SPOCK3: variants seen among roughly 807,000 people sequenced by gnomAD.
The protein encoded by SPOCK3 is SPARC (osteonectin), cwcv and kazal like domains proteoglycan 3.
SPOCK3 carries 30 observed loss-of-function variants against 56.6 expected under a neutral mutation model. The observed-to-expected ratio is 0.53, with a 90% CI of 0.40 to 0.72. The LOEUF is 0.72. SPOCK3 is among the 30% of genes least tolerant of loss of function. The pLI is 0.00. For missense variants in SPOCK3, 527 were observed against 530.0 expected, an observed-to-expected ratio of 0.99 and a Z score of 0.06; for synonymous variants, 196 against 183.3, an observed-to-expected ratio of 1.07 and a Z score of -0.56.
chr4:167,101,310 T>C (rs1759621618), intron 2 of SPOCK3, among the ~76,000 whole-genome samples: 1 of 152,108 alleles, frequency 6.6e-6, no homozygotes, highest in South Asian at 2.1e-4. Context: ...TCACTAACTT[T>C]CTCCCTAATT....
At chr4:166,894,778 G>A (rs1735192334) in intron 5 of SPOCK3, among the ~76,000 whole-genome samples, 1 of 152,132 alleles carries the variant, frequency 6.6e-6, no homozygotes, top group Admixed American at 6.6e-5. Flanking sequence ...TCTCTCAGAT[G>A]TACTATATCC....
chr4:167,032,982 G>A (rs1179984518), intron 3 of SPOCK3, among the ~76,000 whole-genome samples: 1 of 151,822 alleles, frequency 6.6e-6, no homozygotes, highest in Non-Finnish European at 1.5e-5. Flanking sequence ...CTTCAATTAC[G>A]ACTAATGGCT....
intron 6 of SPOCK3, among the ~76,000 whole-genome samples, chr4:166,834,614 A>C (rs926605623): frequency 1.3e-5 from 2 of 152,196 alleles, no homozygotes; most frequent in East Asian, 1.9e-4. Context: ...TCTTTTATTC[A>C]AGTGTGTTTC....
At chr4:167,098,416 A>T (rs1029261342) in intron 2 of SPOCK3, among the ~76,000 whole-genome samples, 1 of 151,868 alleles carries the variant, frequency 6.6e-6, no homozygotes. Context: ...GAACTTTGTG[A>T]CTCAGTGGCT....
intron 6 of SPOCK3, among the ~76,000 whole-genome samples, chr4:166,804,785 C>T (rs1416233368): frequency 3.9e-5 from 6 of 152,066 alleles, no homozygotes; most frequent in Non-Finnish European, 7.4e-5. Context: ...AGAAACAATG[C>T]CTTTGTCTCT....
intron 3 of SPOCK3, among the ~76,000 whole-genome samples, chr4:167,053,590 C>G (rs568654319): frequency 6.6e-6 from 1 of 151,972 alleles, no homozygotes; most frequent in Non-Finnish European, 1.5e-5. Flanking sequence ...GAGGCTGAGG[C>G]AGGAGAATTG....
intron 8 of SPOCK3, among the ~76,000 whole-genome samples, chr4:166,745,632 A>G (rs1021373966): frequency 5.9e-5 from 9 of 152,322 alleles, no homozygotes; most frequent in African/African-American, 2.2e-4. Flanking sequence ...AAATTCACAC[A>G]TAACAATATT....
chr4:167,186,770 A>T (rs1732006942), intron 2 of SPOCK3, among the ~76,000 whole-genome samples: 1 of 152,020 alleles, frequency 6.6e-6, no homozygotes, highest in Non-Finnish European at 1.5e-5. Flanking sequence ...TGAGGTCAGG[A>T]GTTCAAGACC....
intron 2 of SPOCK3, among the ~76,000 whole-genome samples, chr4:167,213,666 T>C (rs1252515993): frequency 6.6e-6 from 1 of 151,802 alleles, no homozygotes; most frequent in Non-Finnish European, 1.5e-5. Context: ...TTTTCCTCCA[T>C]GATCAATTTC....
rs141055338 is a variant in SPOCK3 at position 166,931,812 on chromosome 4, C to A, written c.351-19069G>T. ...TTTACATTTCTTTAGAGAGAAGGAGCGGCCAGTATCAGGATCTCAATAGGC... is the reference window on the plus strand; with the variant it reads ...TTTACATTTCTTTAGAGAGAAGGAGAGGCCAGTATCAGGATCTCAATAGGC... On this transcript the variant is annotated intron_variant, in intron 4 of 10. Coordinates refer to ENST00000357545, the MANE Select transcript of SPOCK3 (RefSeq NM_001040159.2). 2.9e-3 allele frequency among the ~76,000 whole-genome samples: 435 copies of A among 152,226 alleles called. 5 individuals carry two copies. The highest frequency in any genetic ancestry group is 8.8e-3 in the African/African-American group (367 of 41,542).
chr4:166,742,510 T>C (rs1734988552), intron 8 of SPOCK3, among the ~76,000 whole-genome samples: 1 of 152,152 alleles, frequency 6.6e-6, no homozygotes, highest in Non-Finnish European at 1.5e-5. Flanking sequence ...TTTCCCCTCA[T>C]TTAAAAGTTT....
At chr4:167,032,004 G>T (rs1752324101) in intron 3 of SPOCK3, among the ~76,000 whole-genome samples, 1 of 151,884 alleles carries the variant, frequency 6.6e-6, no homozygotes, top group Non-Finnish European at 1.5e-5. Flanking sequence ...TATTTTGCTT[G>T]CATTAAAAGA....
At chr4:166,833,017 A>G (rs1250082679) in intron 6 of SPOCK3, among the ~76,000 whole-genome samples, 1 of 152,170 alleles carries the variant, frequency 6.6e-6, no homozygotes, top group African/African-American at 2.4e-5. Flanking sequence ...CAATATACTC[A>G]TGTAATAAAC....
At chr4:166,766,614 A>C (rs1332943808) in intron 7 of SPOCK3, among the ~76,000 whole-genome samples, 2 of 152,190 alleles carry the variant, frequency 1.3e-5, no homozygotes, top group African/African-American at 4.8e-5. Flanking sequence ...GGATTTTTGC[A>C]TCAATGTTCA....
chr4:167,024,567 A>G (rs13125499), intron 3 of SPOCK3, among the ~76,000 whole-genome samples: 4,188 of 152,198 alleles, frequency 0.028, 87 homozygotes, highest in Middle Eastern at 0.061. Flanking sequence ...TAAACAAACT[A>G]TATCAACTAA....
chr4:166,754,139 A>G (rs1736763895), intron 8 of SPOCK3: 9 of 997,358 alleles, frequency 9.0e-6, no homozygotes, highest in Non-Finnish European at 1.1e-5. Context: ...ACTCCACCGT[A>G]TAGTGATAAA....
chr4:166,784,242 G>C (rs1306936769), intron 7 of SPOCK3, among the ~76,000 whole-genome samples: 2 of 152,224 alleles, frequency 1.3e-5, no homozygotes, highest in African/African-American at 2.4e-5. Context: ...ATCCAATGCA[G>C]TAATTTCTCA....
At chr4:166,922,633 G>A (rs1171562166) in intron 4 of SPOCK3, among the ~76,000 whole-genome samples, 1 of 151,980 alleles carries the variant, frequency 6.6e-6, no homozygotes, top group African/African-American at 2.4e-5. Context: ...CCTTCCTTAT[G>A]CTGTTTCTCT....
At chr4:166,905,669 A>T (rs1393894550) in intron 5 of SPOCK3, among the ~76,000 whole-genome samples, 3 of 152,130 alleles carry the variant, frequency 2.0e-5, no homozygotes, top group African/African-American at 7.2e-5. Context: ...AAATAGAAAG[A>T]TAAAAAAGGA....
Sources: allele counts gnomAD v4.1 joint callset (sites outside exome capture counted in the v4.1 genomes callset), GRCh38; gene constraint gnomAD v4.1.1; transcripts MANE v1.5; gene names NCBI Gene and HGNC (gene_info 2026-07-23, HGNC 2026-07-21).